Variants in FHIT observed in about 807,000 individuals in gnomAD.
FHIT encodes the protein bis(5'-adenosyl)-triphosphatase.
Under a neutral mutation model 17.9 loss-of-function variants are expected in FHIT, and 19 were observed. That is an observed-to-expected ratio of 1.06 (90% CI 0.74 to 1.56). The LOEUF is 1.56. Ranked by LOEUF, FHIT falls within the 40% of genes most tolerant of loss-of-function variation. The probability of loss-of-function intolerance (pLI) is 0.00; values close to 1 mark genes in which losing one functional copy is unlikely to be tolerated. For missense variants in FHIT, 248 were observed against 189.2 expected (o/e 1.31, Z -1.82); for synonymous variants, 81 against 69.7 (o/e 1.16, Z -0.81).
At chr3:60,194,944 T>C (rs1171039103) in intron 5 of FHIT, among the ~76,000 whole-genome samples, 2 of 152,074 alleles carry the variant, frequency 1.3e-5, no homozygotes, top group Admixed American at 6.5e-5. Context: ...GGAGGGTGGA[T>C]CACCTGAAGT....
At chr3:60,538,419 C>A (rs1474186282) in intron 4 of FHIT, among the ~76,000 whole-genome samples, 2 of 152,146 alleles carry the variant, frequency 1.3e-5, no homozygotes, top group Non-Finnish European at 2.9e-5. Context: ...TTACTTTCTT[C>A]ACAGAATTGG....
At chr3:60,302,701 C>T (rs999486896) in intron 5 of FHIT, among the ~76,000 whole-genome samples, 8 of 152,160 alleles carry the variant, frequency 5.3e-5, no homozygotes, top group African/African-American at 1.9e-4. Context: ...TCACTGACGT[C>T]TAACACATAT....
At chr3:59,846,062 G>C (rs1303602685) in intron 8 of FHIT, among the ~76,000 whole-genome samples, 1 of 151,928 alleles carries the variant, frequency 6.6e-6, no homozygotes, top group Non-Finnish European at 1.5e-5. Flanking sequence ...CTATTGACTA[G>C]GCTGTTTAAT....
chr3:60,955,617 T>TATATAC (rs1709103772), intron 3 of FHIT, among the ~76,000 whole-genome samples: 1 of 13,874 alleles, frequency 7.2e-5, no homozygotes, highest in Non-Finnish European at 2.4e-4. Flanking sequence ...TATATATATA[T>TATATAC]ATATATATAT....
chr3:59,972,212 T>C (rs3772477), intron 7 of FHIT, among the ~76,000 whole-genome samples: 6,180 of 152,126 alleles, frequency 0.041, 544 homozygotes, highest in East Asian at 0.36. Context: ...ATAAAGTAAA[T>C]ACTCTAGAGT....
At chr3:60,042,939 C>G (rs1701501730) in intron 5 of FHIT, among the ~76,000 whole-genome samples, 1 of 152,094 alleles carries the variant, frequency 6.6e-6, no homozygotes, top group Non-Finnish European at 1.5e-5. Flanking sequence ...TGTTTGTTAC[C>G]TTGATGAAGT....
intron 5 of FHIT, among the ~76,000 whole-genome samples, chr3:60,352,862 C>T (rs1250526530): frequency 6.6e-6 from 1 of 152,044 alleles, no homozygotes; most frequent in Non-Finnish European, 1.5e-5. Context: ...TGTCAGGTGC[C>T]AGGAAATAGG....
At chr3:60,588,152 T>C (rs1386706859) in intron 4 of FHIT, among the ~76,000 whole-genome samples, 3 of 152,166 alleles carry the variant, frequency 2.0e-5, no homozygotes, top group East Asian at 1.9e-4. Flanking sequence ...GAGATGATTA[T>C]GCATAATAAT....
chr3:60,972,654 T>C (rs377209542), intron 3 of FHIT, among the ~76,000 whole-genome samples: 31 of 152,256 alleles, frequency 2.0e-4, no homozygotes, highest in African/African-American at 7.2e-4. Context: ...ATAATACTTA[T>C]GCCCCATCTT....
In FHIT at chr3:59,886,993, C is replaced by T. The variant is rs1274993655; in HGVS notation, c.348+35353G>A. 2.0e-5 allele frequency among the ~76,000 whole-genome samples: 3 copies of T among 152,152 alleles called. No homozygotes were observed. The East Asian group carries it at 5.8e-4, about 29-fold the overall frequency. On this transcript the variant is annotated intron_variant, in intron 8 of 9. Coordinates refer to ENST00000492590, the MANE Select transcript of FHIT (RefSeq NM_002012.4). ...TCATGGAATTTGCATTCCTGTGGCA[C>T]TCAAAGAAGTGAGTACCTAAGCAGT...
chr3:60,761,352 G>A (rs908828423), intron 4 of FHIT, among the ~76,000 whole-genome samples: 10 of 152,168 alleles, frequency 6.6e-5, no homozygotes, highest in African/African-American at 2.4e-4. Context: ...ATGTCTCAGA[G>A]AGAGCAACAG....
intron 3 of FHIT, among the ~76,000 whole-genome samples, chr3:60,924,137 G>C (rs1007208486): frequency 2.8e-4 from 42 of 152,236 alleles, no homozygotes; most frequent in Non-Finnish European, 5.3e-4. Flanking sequence ...TGGGGGCAGG[G>C]CATAGACAAA....
intron 4 of FHIT, among the ~76,000 whole-genome samples, chr3:60,621,144 A>ATTTTT (rs11370683): frequency 6.3e-5 from 6 of 95,078 alleles, no homozygotes; most frequent in Admixed American, 1.3e-4. Flanking sequence ...TCTACTTTTG[A>ATTTTT]TTTTTTTTTT....
intron 1 of FHIT, among the ~76,000 whole-genome samples, chr3:61,225,820 T>G (rs1459550506): frequency 6.6e-6 from 1 of 152,210 alleles, no homozygotes; most frequent in Non-Finnish European, 1.5e-5. Context: ...TTTTCACCAG[T>G]GTTAAATAAA....
At chr3:60,418,236 GC>G (rs1415688317) in intron 5 of FHIT, among the ~76,000 whole-genome samples, 2 of 151,368 alleles carry the variant, frequency 1.3e-5, no homozygotes, top group African/African-American at 4.9e-5. Context: ...AATCAAAAAG[GC>G]TTCAGAGAAG....
chr3:59,892,809 C>G (rs1404585433), intron 8 of FHIT, among the ~76,000 whole-genome samples: 6 of 152,150 alleles, frequency 3.9e-5, no homozygotes, highest in African/African-American at 2.4e-5. Flanking sequence ...ATGAACCACC[C>G]ACCCATCAAT....
chr3:60,615,251 T>C lies in FHIT; in HGVS notation c.-17-78272A>G, dbSNP rs142722410. 6.5e-3 allele frequency among the ~76,000 whole-genome samples: 983 copies of C among 152,292 alleles called. 11 individuals carry two copies. Among genetic ancestry groups the C allele is most frequent in the Non-Finnish European group, 8.1e-3 (554 of 68,030 alleles). On this transcript the variant is annotated intron_variant, in intron 4 of 9. Coordinates refer to ENST00000492590, the MANE Select transcript of FHIT (RefSeq NM_002012.4). The stretch of plus-strand genomic sequence containing the variant: ...ATGGAAACAAAGTGCATAATGGTTG[T>C]TTACCAATCATATAATATCAGACAC...
At chr3:60,294,417 G>A (rs1490014495) in intron 5 of FHIT, among the ~76,000 whole-genome samples, 1 of 152,150 alleles carries the variant, frequency 6.6e-6, no homozygotes. Context: ...TGAAGAACGT[G>A]ACCAAGGTCA....
intron 5 of FHIT, among the ~76,000 whole-genome samples, chr3:60,392,967 G>T (rs1302045897): frequency 6.6e-6 from 1 of 152,118 alleles, no homozygotes; most frequent in Non-Finnish European, 1.5e-5. Context: ...AGCTAGGGAA[G>T]CTTCATCAGA....
Sources: gnomAD v4.1 joint callset for allele counts (sites outside exome capture counted in the v4.1 genomes callset) on GRCh38, gnomAD v4.1.1 for gene constraint, MANE v1.5 for transcripts, NCBI Gene and HGNC (gene_info 2026-07-23, HGNC 2026-07-21) for gene names.